The following NMNAT3 variants were observed in gnomAD, a reference collection of about 807,000 sequenced individuals.
The protein encoded by NMNAT3 is nicotinamide nucleotide adenylyltransferase 3.
A neutral mutation model predicts 24.8 loss-of-function variants in NMNAT3; 21 were observed. The ratio of observed to expected loss-of-function variants is 0.85; its 90% CI spans 0.60 to 1.22. NMNAT3 has a LOEUF of 1.22. Ranked by LOEUF, NMNAT3 falls within the 50% of genes most tolerant of loss-of-function variation. NMNAT3 has a pLI of 0.00. For missense variants in NMNAT3, 387 were observed against 436.6 expected, an observed-to-expected ratio of 0.89 and a Z score of 1.01; for synonymous variants, 136 against 155.2, an observed-to-expected ratio of 0.88 and a Z score of 0.92.
intron 2 of NMNAT3, among the ~76,000 whole-genome samples, chr3:139,628,366 A>AT (rs1306330359): frequency 6.6e-6 from 1 of 152,072 alleles, no homozygotes; most frequent in Admixed American, 6.5e-5. Context: ...GTTTATAAAT[A>AT]TTTTTTCTGA....
chr3:139,637,047 G>A (rs762845233), intron 2 of NMNAT3: 19 of 152,156 alleles, frequency 1.2e-4, no homozygotes, highest in Admixed American at 2.6e-4. Flanking sequence ...GTACACAGAC[G>A]TCTGCCTGAC....
At position 139,616,735 on chromosome 3, in the gene NMNAT3, C is replaced by T. The variant is rs558411054; in HGVS notation, c.109+10881G>A. 1.2e-3 allele frequency among the ~76,000 whole-genome samples: 180 copies of T among 152,228 alleles called. 2 individuals carry two copies. The highest frequency in any genetic ancestry group is 4.2e-3 in the African/African-American group (173 of 41,546). The stretch of plus-strand genomic sequence containing the variant: ...CTCATCAAAAATATTGCTTCAACTC[C>T]CTCTGAACTGGTTTCTCTTCATCCA... On this transcript the variant is annotated intron_variant, in intron 3 of 6. Coordinates refer to ENST00000643695, the MANE Select transcript of NMNAT3 (RefSeq NM_001320510.2).
At chr3:139,657,913 G>A (rs572615874) in intron 1 of NMNAT3, among the ~76,000 whole-genome samples, 289 of 151,980 alleles carry the variant, frequency 1.9e-3, no homozygotes, top group African/African-American at 6.6e-3. Flanking sequence ...AGTGTGCTCT[G>A]GGGCTCCCTA....
intron 3 of NMNAT3, among the ~76,000 whole-genome samples, chr3:139,594,581 GA>G (rs1553745036): frequency 6.6e-6 from 1 of 152,140 alleles, no homozygotes; most frequent in Non-Finnish European, 1.5e-5. Flanking sequence ...CTGGCAAACC[GA>G]ATCCAGCAGC....
intron 6 of NMNAT3, among the ~76,000 whole-genome samples, 187 bp downstream of exon 6, chr3:139,573,411 T>C (rs1436525099): frequency 6.6e-6 from 1 of 152,112 alleles, no homozygotes; most frequent in African/African-American, 2.4e-5. Context: ...CAGGGGGTGG[T>C]GGCAGATTGT....
chr3:139,562,209 A>C (rs1488979120), intron 6 of NMNAT3, among the ~76,000 whole-genome samples: 1 of 152,188 alleles, frequency 6.6e-6, no homozygotes, highest in Non-Finnish European at 1.5e-5. Flanking sequence ...GAGGTCACTC[A>C]GTTAGGCAGA....
rs570844889 is a variant in NMNAT3 at position 139,607,263 on chromosome 3, T to A, written c.109+20353A>T. 3.9e-5 allele frequency among the ~76,000 whole-genome samples: 6 copies of A among 152,336 alleles called. 1 individual carries two copies. The highest frequency in any genetic ancestry group is 2.6e-4 in the Admixed American group (4 of 15,302). ...CTGTATACATATTGAAAACTGTTCA[T>A]ACTGAAACCTCCAATTCCAATACAA... On this transcript the variant is annotated intron_variant, in intron 3 of 6. Transcript: ENST00000643695.
At chr3:139,652,101 C>G (rs2057074403) in intron 1 of NMNAT3, among the ~76,000 whole-genome samples, 1 of 152,132 alleles carries the variant, frequency 6.6e-6, no homozygotes, top group Admixed American at 6.5e-5. Flanking sequence ...TGGGAGGAAG[C>G]CATGCCTGGG....
At chr3:139,593,031 G>C (rs542568137) in intron 3 of NMNAT3, among the ~76,000 whole-genome samples, 3 of 152,242 alleles carry the variant, frequency 2.0e-5, no homozygotes, top group African/African-American at 7.2e-5. Flanking sequence ...TGGCAAATTG[G>C]ATAAAGAGTC....
intron 1 of NMNAT3, among the ~76,000 whole-genome samples, chr3:139,676,205 G>A (rs1425035787): frequency 6.6e-6 from 1 of 152,206 alleles, no homozygotes; most frequent in African/African-American, 2.4e-5. Flanking sequence ...GGGCCTCTCA[G>A]TTGGTTTTCA....
At chr3:139,668,667 A>G (rs2057661611) in intron 1 of NMNAT3, among the ~76,000 whole-genome samples, 1 of 152,240 alleles carries the variant, frequency 6.6e-6, no homozygotes, top group South Asian at 2.1e-4. Context: ...CAGAAATGGC[A>G]GGGACAAGTA....
chr3:139,575,120 G>A (rs182967983), intron 5 of NMNAT3, among the ~76,000 whole-genome samples: 23 of 152,166 alleles, frequency 1.5e-4, no homozygotes, highest in Admixed American at 6.5e-4. Context: ...GGGACCCCAC[G>A]GAATTCATCT....
At chr3:139,660,264 A>G (rs2057373421) in intron 1 of NMNAT3, among the ~76,000 whole-genome samples, 1 of 152,102 alleles carries the variant, frequency 6.6e-6, no homozygotes, top group Non-Finnish European at 1.5e-5. Flanking sequence ...AAATCTACAA[A>G]CCAGTTAATC....
At chr3:139,597,903 G>C (rs1023437334) in intron 3 of NMNAT3, among the ~76,000 whole-genome samples, 1 of 152,206 alleles carries the variant, frequency 6.6e-6, no homozygotes, top group East Asian at 1.9e-4. Flanking sequence ...AATAGGAGAG[G>C]AGGAACACAT....
intron 1 of NMNAT3, among the ~76,000 whole-genome samples, chr3:139,654,269 A>G (rs1253073975): frequency 6.6e-6 from 1 of 152,346 alleles, no homozygotes; most frequent in Middle Eastern, 3.4e-3. Context: ...CTACTGATCC[A>G]TGAGCCTGGA....
At chr3:139,671,815 C>T (rs2108458476) in intron 1 of NMNAT3, among the ~76,000 whole-genome samples, 1 of 152,316 alleles carries the variant, frequency 6.6e-6, no homozygotes, top group South Asian at 2.1e-4. Flanking sequence ...GACTCCTACA[C>T]ACTAATTCAT....
At chr3:139,631,327 T>C (rs558145528) in intron 2 of NMNAT3, among the ~76,000 whole-genome samples, 2 of 152,276 alleles carry the variant, frequency 1.3e-5, no homozygotes, top group South Asian at 4.1e-4. Flanking sequence ...GTGATAGGGC[T>C]AAAATGGAAT....
intron 5 of NMNAT3, among the ~76,000 whole-genome samples, chr3:139,574,019 A>G (rs1938889245): frequency 6.6e-6 from 1 of 152,210 alleles, no homozygotes; most frequent in Non-Finnish European, 1.5e-5. Flanking sequence ...GACATGGGCT[A>G]TTAGAATCAG....
chr3:139,599,685 A>T (rs927888794), intron 3 of NMNAT3, among the ~76,000 whole-genome samples: 4 of 152,206 alleles, frequency 2.6e-5, no homozygotes, highest in African/African-American at 9.6e-5. Context: ...CTTTGAGGCC[A>T]TTTTAGCACC....
Sources: allele counts gnomAD v4.1 joint callset (sites outside exome capture counted in the v4.1 genomes callset), GRCh38; gene constraint gnomAD v4.1.1; transcripts MANE v1.5; gene names NCBI Gene and HGNC (gene_info 2026-07-23, HGNC 2026-07-21).